MESP1: variants seen among roughly 807,000 people sequenced by gnomAD.
MESP1 encodes the protein mesoderm posterior bHLH transcription factor 1, also known as mesoderm posterior protein 1.
Under a neutral mutation model 15.2 loss-of-function variants are expected in MESP1, and 22 were observed. The ratio of observed to expected loss-of-function variants is 1.45; its 90% CI spans 1.04 to 2.07. The LOEUF is 2.07. Ranked by LOEUF, MESP1 falls within the 30% of genes most tolerant of loss-of-function variation. MESP1 has a pLI of 0.00. For missense variants in MESP1, 484 were observed against 411.9 expected, an observed-to-expected ratio of 1.17 and a Z score of -1.51; for synonymous variants, 216 against 192.6, an observed-to-expected ratio of 1.12 and a Z score of -1.01.
chr15:89,738,677 A>G, the MESP1 span, among the ~76,000 whole-genome samples: 2 of 151,252 alleles, frequency 1.3e-5, no homozygotes, highest in Non-Finnish European at 2.9e-5. Flanking sequence ...GTTCTACCCC[A>G]TGATAGCCCA....
chr15:89,736,346 G>A, the MESP1 span, among the ~76,000 whole-genome samples: 1 of 152,132 alleles, frequency 6.6e-6, no homozygotes, highest in Non-Finnish European at 1.5e-5. Context: ...AGGGTGAGGG[G>A]CCTACAGGAC....
chr15:89,741,998 G>A, the MESP1 span, among the ~76,000 whole-genome samples: 2 of 152,142 alleles, frequency 1.3e-5, no homozygotes, highest in South Asian at 2.1e-4. Context: ...TGATCCACCC[G>A]CCTTGGCCTC....
At chr15:89,735,958 C>T in the MESP1 span, among the ~76,000 whole-genome samples, 3 of 152,140 alleles carry the variant, frequency 2.0e-5, no homozygotes, top group Non-Finnish European at 2.9e-5. Context: ...GTGTCCCGGG[C>T]ACTGCAGGAA....
rs1310717507 is a variant in MESP1 at position 89,750,018 on chromosome 15, C to T, written c.*126G>A. ...CCGCGGTGGGGACGGCTCTCACCCG[C>T]AGGAATGCCCCCGTCGGGATCGCCC... On this transcript the variant is annotated 3_prime_UTR_variant, in exon 2 of 2. Coordinates refer to ENST00000300057, the MANE Select transcript of MESP1 (RefSeq NM_018670.4). 4.3e-6 allele frequency: 4 copies of T among 932,068 alleles called. No individual in the cohort carries two copies. The highest frequency in any genetic ancestry group is 1.4e-5 in the South Asian group (1 of 70,428). The allele number at this position is 932,068 out of a possible 1,614,324, so 57.7% of individuals were successfully genotyped here.
chr15:89,749,927 T>C lies in MESP1; in HGVS notation c.*217A>G. 1.7e-6 allele frequency: 1 copy of C among 574,498 alleles called. No homozygotes were observed. Among genetic ancestry groups the C allele is most frequent in the Non-Finnish European group, 3.1e-6 (1 of 317,970 alleles). The allele number at this position is 574,498 out of a possible 1,614,324, so 35.6% of individuals were successfully genotyped here. On this transcript the variant is annotated 3_prime_UTR_variant, in exon 2 of 2. Transcript: ENST00000300057. ...AAATAAATTCACATTAGGCAGAGCCTCCTGCTTGCCTCAAAGTGTCTAGCC... is the reference window on the plus strand; with the variant it reads ...AAATAAATTCACATTAGGCAGAGCCCCCTGCTTGCCTCAAAGTGTCTAGCC...
the MESP1 span, among the ~76,000 whole-genome samples, chr15:89,735,149 G>A: frequency 0.024 from 3,700 of 152,228 alleles, 162 homozygotes; most frequent in African/African-American, 0.085. Flanking sequence ...TGGGATTACA[G>A]GTGTGAGCCA....
chr15:89,747,054 ACACACACACACAGCCCCGCCGC>A (rs796825115), downstream of MESP1, among the ~76,000 whole-genome samples: 12 of 138,666 alleles, frequency 8.7e-5, no homozygotes, highest in African/African-American at 2.5e-4. Flanking sequence ...GCGCATGCAC[ACACACACACACAGCCCCGCCGC>A]CACACACACA....
chr15:89,736,437 G>A, the MESP1 span, among the ~76,000 whole-genome samples: 1 of 152,254 alleles, frequency 6.6e-6, no homozygotes, highest in African/African-American at 2.4e-5. Context: ...AGTGAGAGGT[G>A]GTTGAAGTGG....
At chr15:89,739,206 A>G in the MESP1 span, among the ~76,000 whole-genome samples, 1 of 151,986 alleles carries the variant, frequency 6.6e-6, no homozygotes, top group Non-Finnish European at 1.5e-5. Flanking sequence ...TATCCAGTCC[A>G]CTGCCTGGTT....
At chr15:89,747,050 G>GCACACACA (rs142029540), downstream of MESP1, among the ~76,000 whole-genome samples, 4 of 105,560 alleles carry the variant, frequency 3.8e-5, no homozygotes, top group African/African-American at 1.5e-4. Flanking sequence ...ACATGCGCAT[G>GCACACACA]CACACACACA....
At chr15:89,739,235 T>A in the MESP1 span, among the ~76,000 whole-genome samples, 8 of 152,344 alleles carry the variant, frequency 5.3e-5, no homozygotes, top group South Asian at 1.4e-3. Context: ...AAGGTTTTAT[T>A]TGAACACAGC....
At chr15:89,741,599 A>G in the MESP1 span, among the ~76,000 whole-genome samples, 1 of 152,182 alleles carries the variant, frequency 6.6e-6, no homozygotes, top group African/African-American at 2.4e-5. Flanking sequence ...TATAAAGTAC[A>G]CATTGCTACT....
At position 89,750,580 on chromosome 15, in the gene MESP1, C is replaced by A; in HGVS notation, c.652G>T (p.Asp218Tyr). 7.1e-7 allele frequency: 1 copy of A among 1,416,654 alleles called. No individual in the cohort carries two copies. Among genetic ancestry groups the A allele is most frequent in the Non-Finnish European group, 9.1e-7 (1 of 1,094,534 alleles). The allele number at this position is 1,416,654 out of a possible 1,614,324, so 87.8% of individuals were successfully genotyped here. A position where few individuals can be genotyped will look rare whatever the true frequency, so the allele number is the denominator to read the frequency against. ...GCCTCGGCGAACAGCGCAGGCGGGTCGCGCGGCTCGGGTGCAGCTCGGGCT... is the reference window on the plus strand; with the variant it reads ...GCCTCGGCGAACAGCGCAGGCGGGTAGCGCGGCTCGGGTGCAGCTCGGGCT... ...PGARAAPEPR[D>Y]PPALFAEAAC... Residue 218 changes from aspartate (D) to tyrosine (Y), a missense_variant, in exon 1 of 2, where the codon GAC becomes TAC. Coordinates refer to ENST00000300057, the MANE Select transcript of MESP1 (RefSeq NM_018670.4).
the MESP1 span, chr15:89,737,705 G>A: frequency 6.2e-7 from 1 of 1,614,154 alleles, no homozygotes; most frequent in Non-Finnish European, 8.5e-7. Context: ...TGTGTCTCCA[G>A]ACCATCCATG....
At chr15:89,740,291 C>A in the MESP1 span, among the ~76,000 whole-genome samples, 5 of 152,108 alleles carry the variant, frequency 3.3e-5, no homozygotes, top group Non-Finnish European at 4.4e-5. Context: ...TTAACAGGGG[C>A]GTTCAAGTCC....
chr15:89,748,343 T>C (rs1170927444), downstream of MESP1, among the ~76,000 whole-genome samples: 1 of 152,172 alleles, frequency 6.6e-6, no homozygotes, highest in East Asian at 1.9e-4. Flanking sequence ...GCCTGACTTT[T>C]GGAGCCCACT....
the MESP1 span, among the ~76,000 whole-genome samples, chr15:89,736,525 A>G: frequency 2.6e-5 from 4 of 152,240 alleles, no homozygotes; most frequent in Middle Eastern, 0.01. Context: ...CATCACTTAC[A>G]GGACCTGGAA....
At chr15:89,747,135 CACACA>C (rs1967985442), downstream of MESP1, among the ~76,000 whole-genome samples, 2 of 150,052 alleles carry the variant, frequency 1.3e-5, no homozygotes, top group African/African-American at 5.0e-5. Flanking sequence ...CACACACACA[CACACA>C]CACACACCCC....
At chr15:89,745,631 T>C (rs150088680), downstream of MESP1, among the ~76,000 whole-genome samples, 3,204 of 152,048 alleles carry the variant, frequency 0.021, 121 homozygotes, top group African/African-American at 0.074. The surrounding 1 kb of genome is among the most constrained non-coding windows in gnomAD (Gnocchi z 4.8). Flanking sequence ...GGCGTAGTGA[T>C]GGGCACCTGT....
Sources: allele counts gnomAD v4.1 joint callset (sites outside exome capture counted in the v4.1 genomes callset), GRCh38; gene constraint gnomAD v4.1.1; non-coding constraint Gnocchi (gnomAD v3.1); transcripts MANE v1.5; gene names NCBI Gene and HGNC (gene_info 2026-07-23, HGNC 2026-07-21).